KCNJ6: variants seen among roughly 807,000 people sequenced by gnomAD.
KCNJ6 encodes the protein G protein-activated inward rectifier potassium channel 2.
KCNJ6 carries 9 observed loss-of-function variants against 34.2 expected under a neutral mutation model. The ratio of observed to expected loss-of-function variants is 0.26; its 90% confidence interval spans 0.16 to 0.46. The LOEUF is 0.46. KCNJ6 is among the 20% of genes least tolerant of loss of function. The pLI, the probability that KCNJ6 is intolerant of heterozygous loss-of-function variation, is 1.00. For synonymous variants in KCNJ6, 196 were observed against 207.1 expected (o/e 0.95, Z 0.46); for missense variants, 236 against 531.3 (o/e 0.44, Z 5.46).
chr21:37,771,385 T>G (rs1475415985), intron 2 of KCNJ6, among the ~76,000 whole-genome samples: 1 of 152,220 alleles, frequency 6.6e-6, no homozygotes, highest in African/African-American at 2.4e-5. Context: ...AGCTTCAGCT[T>G]GTGCCCAAGA....
intron 2 of KCNJ6, among the ~76,000 whole-genome samples, chr21:37,762,405 T>C (rs1397684216): frequency 6.6e-6 from 1 of 152,062 alleles, no homozygotes; most frequent in Non-Finnish European, 1.5e-5. Flanking sequence ...TGCTCGTCAT[T>C]AGAAATTTTT....
At chr21:37,702,365 T>C (rs1281030242) in intron 3 of KCNJ6, among the ~76,000 whole-genome samples, 6 of 151,790 alleles carry the variant, frequency 4.0e-5, no homozygotes, top group Admixed American at 3.3e-4. Flanking sequence ...ATGGTGGCCA[T>C]AGAGACAGAC....
intron 3 of KCNJ6, among the ~76,000 whole-genome samples, chr21:37,705,111 A>C (rs914171445): frequency 1.3e-5 from 2 of 152,198 alleles, no homozygotes; most frequent in African/African-American, 4.8e-5. Flanking sequence ...CCAGTGGAGA[A>C]GCCATGGCCT....
At chr21:37,808,201 G>A (rs980658053) in intron 2 of KCNJ6, among the ~76,000 whole-genome samples, 4 of 152,142 alleles carry the variant, frequency 2.6e-5, no homozygotes, top group Admixed American at 1.3e-4. Flanking sequence ...AACGAAATCC[G>A]TGGAATTTGT....
chr21:37,796,948 C>T (rs940155191), intron 2 of KCNJ6, among the ~76,000 whole-genome samples: 22 of 151,236 alleles, frequency 1.5e-4, no homozygotes, highest in East Asian at 1.9e-4. Context: ...CGCCCGCCAC[C>T]GCGCCCGGCT....
chr21:37,870,627 G>C (rs537621233), intron 1 of KCNJ6, among the ~76,000 whole-genome samples: 8 of 151,168 alleles, frequency 5.3e-5, no homozygotes, highest in African/African-American at 1.5e-4. Context: ...CTCTTAGGAA[G>C]GCATTTAAAA....
At chr21:37,664,476 C>T (rs1400357278) in intron 3 of KCNJ6, among the ~76,000 whole-genome samples, 2 of 151,918 alleles carry the variant, frequency 1.3e-5, no homozygotes, top group Non-Finnish European at 2.9e-5. Flanking sequence ...AATTTAAATA[C>T]ACAATATCTG....
intron 3 of KCNJ6, among the ~76,000 whole-genome samples, chr21:37,687,616 G>C (rs1473097658): frequency 6.6e-6 from 1 of 152,040 alleles, no homozygotes; most frequent in Non-Finnish European, 1.5e-5. Context: ...TGTCAGACTT[G>C]CCTCTTGTTG....
intron 1 of KCNJ6, among the ~76,000 whole-genome samples, chr21:37,914,916 G>GTT (rs11292118): frequency 3.5e-5 from 5 of 144,634 alleles, no homozygotes; most frequent in African/African-American, 5.1e-5. Context: ...GAGTTGTGGG[G>GTT]TTTTTTTTTT....
chr21:37,739,887 T>A (rs923347091), intron 2 of KCNJ6, among the ~76,000 whole-genome samples: 30 of 150,504 alleles, frequency 2.0e-4, no homozygotes, highest in African/African-American at 7.1e-4. Flanking sequence ...TTAAAAATTT[T>A]GGTTCATGAA....
chr21:37,709,405 T>C (rs959083028), intron 3 of KCNJ6, among the ~76,000 whole-genome samples: 32 of 151,922 alleles, frequency 2.1e-4, no homozygotes, highest in African/African-American at 7.3e-4. Flanking sequence ...TCCCAGCTAC[T>C]CAGGAGGCTG....
At chr21:37,698,133 C>G (rs1016632744) in intron 3 of KCNJ6, among the ~76,000 whole-genome samples, 1 of 152,206 alleles carries the variant, frequency 6.6e-6, no homozygotes, top group Non-Finnish European at 1.5e-5. Context: ...CTGTTTACTG[C>G]GGGATCTCTG....
chr21:37,666,956 A>G (rs2507675), intron 3 of KCNJ6, among the ~76,000 whole-genome samples: 88,694 of 149,366 alleles, frequency 0.59, 26,613 homozygotes, highest in East Asian at 0.84. Flanking sequence ...AAGGCAGCAT[A>G]CTCGTTAAGA....
intron 2 of KCNJ6, among the ~76,000 whole-genome samples, chr21:37,839,991 G>A (rs2055472161): frequency 6.6e-6 from 1 of 152,012 alleles, no homozygotes; most frequent in Non-Finnish European, 1.5e-5. Context: ...TAGAGACAGG[G>A]TTTCACCATA....
At chr21:37,745,168 C>T (rs974002573) in intron 2 of KCNJ6, among the ~76,000 whole-genome samples, 52 of 146,160 alleles carry the variant, frequency 3.6e-4, no homozygotes, top group Admixed American at 3.5e-3. Flanking sequence ...TTAGGGCTCA[C>T]GGCAGCCCCT....
At chr21:37,649,534 A>G (rs944162845) in intron 3 of KCNJ6, among the ~76,000 whole-genome samples, 1 of 152,206 alleles carries the variant, frequency 6.6e-6, no homozygotes, top group African/African-American at 2.4e-5. Flanking sequence ...GGCTGTGGGC[A>G]GGAGAGTTTG....
intron 3 of KCNJ6, among the ~76,000 whole-genome samples, chr21:37,669,636 G>A (rs992059712): frequency 1.3e-5 from 2 of 151,712 alleles, no homozygotes; most frequent in South Asian, 2.1e-4. Flanking sequence ...ATAATGCAGG[G>A]ATAAAAACAA....
chr21:37,750,177 A>T (rs957519071), intron 2 of KCNJ6, among the ~76,000 whole-genome samples: 1 of 152,242 alleles, frequency 6.6e-6, no homozygotes, highest in African/African-American at 2.4e-5. Flanking sequence ...AACCACAATG[A>T]GATATCATCT....
intron 1 of KCNJ6, among the ~76,000 whole-genome samples, chr21:37,887,044 T>C (rs1467856841): frequency 1.3e-5 from 2 of 150,500 alleles, no homozygotes; most frequent in Admixed American, 6.7e-5. Flanking sequence ...TCCTTCCCTC[T>C]CCTACCCTCA....
Sources: gnomAD v4.1 joint callset for allele counts (sites outside exome capture counted in the v4.1 genomes callset) on GRCh38, gnomAD v4.1.1 for gene constraint, MANE v1.5 for transcripts, NCBI Gene and HGNC (gene_info 2026-07-23, HGNC 2026-07-21) for gene names.